Variants in FAF1 observed in about 807,000 individuals in gnomAD.
FAF1 encodes the protein FAS-associated factor 1.
FAF1 carries 25 observed loss-of-function variants against 92.5 expected under a neutral mutation model. The observed-to-expected ratio is 0.27, with a 90% CI of 0.20 to 0.38. FAF1 has a LOEUF of 0.38. FAF1 is among the 10% of genes least tolerant of loss of function. FAF1 has a pLI of 1.00. For missense variants in FAF1, 636 were observed against 793.3 expected, an observed-to-expected ratio of 0.80 and a Z score of 2.38; for synonymous variants, 234 against 273.2, an observed-to-expected ratio of 0.86 and a Z score of 1.42.
intron 1 of FAF1, among the ~76,000 whole-genome samples, chr1:50,948,318 G>A (rs189755591): frequency 6.6e-6 from 1 of 152,290 alleles, no homozygotes; most frequent in African/African-American, 2.4e-5. Flanking sequence ...CAGAAAAGAG[G>A]TTTGTTGGCT....
chr1:50,784,076 A>G (rs1661276484), intron 4 of FAF1, among the ~76,000 whole-genome samples: 1 of 152,210 alleles, frequency 6.6e-6, no homozygotes, highest in Non-Finnish European at 1.5e-5. Context: ...CCCACAGCTA[A>G]CATCATATTC....
chr1:50,793,260 T>C (rs1661629069), intron 3 of FAF1, among the ~76,000 whole-genome samples: 1 of 152,224 alleles, frequency 6.6e-6, no homozygotes, highest in Non-Finnish European at 1.5e-5. Context: ...GTACTTATTG[T>C]AAATTTTCCT....
intron 2 of FAF1, among the ~76,000 whole-genome samples, chr1:50,814,066 GAAC>G (rs1235848950): frequency 2.0e-5 from 3 of 151,918 alleles, no homozygotes; most frequent in East Asian, 3.9e-4. Flanking sequence ...TAATAATATA[GAAC>G]AACTGTAACA....
chr1:50,919,787 T>C (rs1393826997), intron 1 of FAF1, among the ~76,000 whole-genome samples: 2 of 152,182 alleles, frequency 1.3e-5, no homozygotes, highest in Non-Finnish European at 2.9e-5. Context: ...AATATTCTTA[T>C]AAAGTTCTTA....
intron 9 of FAF1, among the ~76,000 whole-genome samples, chr1:50,591,727 CAATGTGTCATACAAGACT>C (rs1651525692): frequency 4.7e-5 from 7 of 150,468 alleles, no homozygotes; most frequent in Admixed American, 2.7e-4. Context: ...TCCAAATTCT[CAATGTGTCATACAAGACT>C]TACTCACTTT....
intron 12 of FAF1, among the ~76,000 whole-genome samples, chr1:50,572,112 C>T (rs1650474495): frequency 6.6e-6 from 1 of 152,162 alleles, no homozygotes; most frequent in African/African-American, 2.4e-5. Flanking sequence ...TAATCAGAAT[C>T]ATTATCACTA....
intron 6 of FAF1, among the ~76,000 whole-genome samples, chr1:50,710,193 CT>C (rs2124432496): frequency 6.6e-6 from 1 of 152,228 alleles, no homozygotes; most frequent in South Asian, 2.1e-4. Context: ...TAGTGCTTGC[CT>C]TTATGCAATT....
At chr1:50,587,595 G>A (rs1651293940) in intron 9 of FAF1, among the ~76,000 whole-genome samples, 1 of 151,894 alleles carries the variant, frequency 6.6e-6, no homozygotes, top group Admixed American at 6.6e-5. Flanking sequence ...TTTAAATCCA[G>A]AAAAAGTATT....
At chr1:50,900,234 T>G (rs1179750455) in intron 1 of FAF1, among the ~76,000 whole-genome samples, 1 of 152,198 alleles carries the variant, frequency 6.6e-6, no homozygotes, top group Non-Finnish European at 1.5e-5. Flanking sequence ...TTCTTACAAC[T>G]TTTCTAAACT....
Position 50,540,768 on chromosome 1 carries a change from A to G in FAF1, c.1269-1040T>C, listed in dbSNP as rs146520494. Among the ~76,000 whole-genome samples, 10 of 152,352 alleles carry G rather than the reference A, an allele frequency of 6.6e-5. No homozygotes were observed. In the East Asian group the frequency reaches 1.9e-3, roughly 29 times the overall value. ...ATGAATTATGAAAGACCAAATGCAA[A>G]TATAGAATGCTTTAATAAGATCCAA... On this transcript the variant is annotated intron_variant, in intron 13 of 18. Coordinates refer to ENST00000396153, the MANE Select transcript of FAF1 (RefSeq NM_007051.3).
intron 18 of FAF1, among the ~76,000 whole-genome samples, chr1:50,451,320 G>A (rs1037400057): frequency 2.6e-5 from 4 of 152,202 alleles, no homozygotes; most frequent in Non-Finnish European, 5.9e-5. Flanking sequence ...ATGGTAACAA[G>A]AGCTAACATT....
At chr1:50,783,049 A>G (rs1433839316) in intron 4 of FAF1, among the ~76,000 whole-genome samples, 1 of 152,158 alleles carries the variant, frequency 6.6e-6, no homozygotes, top group Non-Finnish European at 1.5e-5. Flanking sequence ...AGAAAAATTA[A>G]ATTAAAAATA....
chr1:50,471,349 A>G (rs905910333), intron 18 of FAF1, among the ~76,000 whole-genome samples: 2 of 152,156 alleles, frequency 1.3e-5, no homozygotes, highest in Non-Finnish European at 2.9e-5. Context: ...AGAGGAAGGA[A>G]TTTGTATACC....
chr1:50,717,266 G>A (rs1357862774), intron 6 of FAF1, among the ~76,000 whole-genome samples: 1 of 152,170 alleles, frequency 6.6e-6, no homozygotes, highest in Non-Finnish European at 1.5e-5. Context: ...ATTTGGATAT[G>A]GGGTCTTTGG....
intron 15 of FAF1, among the ~76,000 whole-genome samples, chr1:50,503,547 T>A (rs1386044517): frequency 6.6e-6 from 1 of 151,510 alleles, no homozygotes; most frequent in African/African-American, 2.4e-5. Context: ...CCCAAGAGTT[T>A]GAGGCTGCAG....
intron 1 of FAF1, among the ~76,000 whole-genome samples, chr1:50,871,227 AT>A: frequency 6.6e-6 from 1 of 152,372 alleles, no homozygotes; most frequent in East Asian, 1.9e-4. Flanking sequence ...GAAGGAAGTC[AT>A]CTCCATAACA....
intron 8 of FAF1, among the ~76,000 whole-genome samples, chr1:50,638,445 CTT>C (rs35054798): frequency 3.2e-4 from 42 of 131,562 alleles, no homozygotes; most frequent in African/African-American, 4.3e-4. Flanking sequence ...TTTTCTTTTT[CTT>C]TTTTTTTTTT....
Position 50,946,275 on chromosome 1 carries a change from G to A in FAF1, c.45+13492C>T, listed in dbSNP as rs187433639. On this transcript the variant is annotated intron_variant, in intron 1 of 18. Transcript: ENST00000396153. ...AAATCTCCCTAAGTTGTTACACTGG[G>A]GAGGATTTGAGGGTGACCTCCAGAT... is the stretch of plus-strand genomic sequence containing the variant. Among the ~76,000 whole-genome samples the A allele has an allele frequency of 1.3e-4, 20 of 152,308 alleles. No individual in the cohort carries two copies. In the East Asian group the frequency reaches 1.9e-3, roughly 15 times the overall value.
At chr1:50,624,417 G>T (rs923730516) in intron 8 of FAF1, among the ~76,000 whole-genome samples, 5 of 152,158 alleles carry the variant, frequency 3.3e-5, no homozygotes, top group African/African-American at 1.2e-4. Flanking sequence ...AAAGTGCTGG[G>T]ATTACATGCG....
Sources: allele counts gnomAD v4.1 joint callset (sites outside exome capture counted in the v4.1 genomes callset), GRCh38; gene constraint gnomAD v4.1.1; transcripts MANE v1.5; gene names NCBI Gene and HGNC (gene_info 2026-07-23, HGNC 2026-07-21).